Variants in NEK5 observed in about 807,000 individuals in gnomAD.
NEK5 encodes the protein NIMA related kinase 5.
NEK5 carries 88 observed loss-of-function variants against 109.2 expected under a neutral mutation model. That is an observed-to-expected ratio of 0.81 (90% CI 0.68 to 0.96). The LOEUF is 0.96. NEK5 is among the 40% of genes least tolerant of loss of function. The pLI, the probability that NEK5 is intolerant of heterozygous loss-of-function variation, is 0.00. For synonymous variants in NEK5, 283 were observed against 299.9 expected (o/e 0.94, Z 0.58); for missense variants, 834 against 920.7 (o/e 0.91, Z 1.22).
At chr13:52,081,932 C>G (rs1276512274) in intron 17 of NEK5, among the ~76,000 whole-genome samples, 1 of 152,104 alleles carries the variant, frequency 6.6e-6, no homozygotes, top group Non-Finnish European at 1.5e-5. Flanking sequence ...TTTATAATAC[C>G]TTGAGGATTT....
At chr13:52,091,025 C>CAA (rs879501839) in intron 13 of NEK5, among the ~76,000 whole-genome samples, 1 of 133,252 alleles carries the variant, frequency 7.5e-6, no homozygotes. Flanking sequence ...GACTCTGTCT[C>CAA]AAAAAAAAAA....
Position 52,095,997 on chromosome 13 carries a change from A to C in NEK5, c.1027-2762T>G, listed in dbSNP as rs531127409. On this transcript the variant is annotated intron_variant, in intron 12 of 23. Transcript: ENST00000684899. ...TTCTTGTGATAGTGAGTGAGTTTTC[A>C]TGAGATCTGGTTGTTCAAAAGTTTG... is the stretch of plus-strand genomic sequence containing the variant. Among the ~76,000 whole-genome samples the C allele has an allele frequency of 3.9e-5, 6 of 152,170 alleles. No individual in the cohort carries two copies. The South Asian group carries it at 1.2e-3, about 32-fold the overall frequency.
intron 1 of NEK5, among the ~76,000 whole-genome samples, chr13:52,128,275 C>T (rs764037190): frequency 4.0e-5 from 6 of 151,894 alleles, no homozygotes; most frequent in Non-Finnish European, 8.8e-5. Flanking sequence ...AAGAATTGTT[C>T]ACCATTTGGG....
chr13:52,076,642 T>C (rs1211039099), intron 17 of NEK5, among the ~76,000 whole-genome samples: 1 of 152,216 alleles, frequency 6.6e-6, no homozygotes, highest in Non-Finnish European at 1.5e-5. Context: ...GGCCATCTGC[T>C]CTTCTATTCC....
chr13:52,068,494 C>T (rs112193998), intron 20 of NEK5, among the ~76,000 whole-genome samples: 3 of 151,838 alleles, frequency 2.0e-5, no homozygotes, highest in African/African-American at 7.3e-5. Context: ...CACACACACA[C>T]ACTCATATAT....
intron 23 of NEK5, among the ~76,000 whole-genome samples, chr13:52,038,811 C>G (rs1954389305): frequency 1.9e-5 from 2 of 107,926 alleles, no homozygotes; most frequent in African/African-American, 3.6e-5. Context: ...GGCATCAGAG[C>G]AAGACACTCA....
chr13:52,111,679 C>T (rs886823514), intron 5 of NEK5, among the ~76,000 whole-genome samples: 3 of 152,200 alleles, frequency 2.0e-5, no homozygotes, highest in Non-Finnish European at 4.4e-5. Context: ...CCTCTCCACA[C>T]ATACAAACCT....
intron 21 of NEK5, chr13:52,065,229 C>T (rs1455103078): frequency 7.4e-6 from 4 of 541,386 alleles, no homozygotes; most frequent in Non-Finnish European, 1.3e-5. Flanking sequence ...CGCATTTTCC[C>T]TCACTCTGAG....
chr13:52,110,582 A>G lies in NEK5; in HGVS notation c.313-5T>C. On this transcript the variant is annotated splice_polypyrimidine_tract_variant and splice_region_variant and intron_variant, in intron 5 of 23. Coordinates refer to ENST00000684899, the MANE Select transcript of NEK5 (RefSeq NM_001365552.1). ...CTGTACAAACCAACCGAGGATCTATAGAGAGAACACAAAACAAAGCCACTG... is the reference window on the plus strand; with the variant it reads ...CTGTACAAACCAACCGAGGATCTATGGAGAGAACACAAAACAAAGCCACTG... 1 of 1,597,288 alleles carries G rather than the reference A, an allele frequency of 6.3e-7. No individual in the cohort carries two copies. The highest frequency in any genetic ancestry group is 1.3e-5 in the African/African-American group (1 of 74,626).
At chr13:52,089,428 T>C (rs1955229292) in intron 13 of NEK5, 115 bp from the exon 14 acceptor site, 1 of 642,096 alleles carries the variant, frequency 1.6e-6, no homozygotes. Context: ...TGGCTTGAAG[T>C]TCCAAGTTCA....
At position 52,093,081 on chromosome 13, in the gene NEK5, G is replaced by A. The variant is rs145214408; in HGVS notation, c.1181C>T (p.Thr394Met). 5.0e-6 allele frequency: 8 copies of A among 1,613,278 alleles called. No homozygotes were observed. Among genetic ancestry groups the A allele is most frequent in the East Asian group, 4.5e-5 (2 of 44,874 alleles). ...NTGVEDYGQE[T>M]RHGPSPSQWP... Reference sequence around the variant, plus strand: ...TTGACTTGGGGATGGACCATGCCTCGTTTCCTGACCGTAATCCTCAACTCC... The same window carrying A: ...TTGACTTGGGGATGGACCATGCCTCATTTCCTGACCGTAATCCTCAACTCC... Residue 394 changes from threonine (T) to methionine (M), a missense_variant, in exon 13 of 24, where the codon ACG (threonine) becomes ATG (methionine). By Grantham distance (81) the Thr-to-Met change is moderately conservative. Around this residue, in one of 2 missense-constraint regions of NEK5, gnomAD observed 777 missense variants for 824.7 expected, o/e 0.94. Transcript: ENST00000684899.
intron 23 of NEK5, among the ~76,000 whole-genome samples, chr13:52,041,074 G>T (rs1437017266): frequency 6.6e-6 from 1 of 152,064 alleles, no homozygotes; most frequent in Non-Finnish European, 1.5e-5. Context: ...TACAGGAAGA[G>T]GCAGGAAAGG....
intron 20 of NEK5, among the ~76,000 whole-genome samples, chr13:52,068,423 A>G (rs1954725403): frequency 6.6e-6 from 1 of 151,900 alleles, no homozygotes. Context: ...TATATGCCGC[A>G]CAATTCTCAT....
At chr13:52,086,597 T>G (rs779170203) in intron 15 of NEK5, among the ~76,000 whole-genome samples, 9 of 152,250 alleles carry the variant, frequency 5.9e-5, no homozygotes, top group Admixed American at 6.5e-5. Context: ...GTGTTCATGA[T>G]GTACACTTAC....
At chr13:52,048,477 G>A (rs1160289311) in intron 23 of NEK5, among the ~76,000 whole-genome samples, 1 of 151,672 alleles carries the variant, frequency 6.6e-6, no homozygotes, top group Non-Finnish European at 1.5e-5. Context: ...AAATTAAGTG[G>A]TACCTATGCC....
chr13:52,043,844 T>C (rs551766542), intron 23 of NEK5, among the ~76,000 whole-genome samples: 12 of 152,324 alleles, frequency 7.9e-5, no homozygotes, highest in Non-Finnish European at 1.6e-4. Flanking sequence ...TTCACAGGAA[T>C]GTGAAATAGA....
rs56207200 is a variant in NEK5, at chr13:52,059,883, A to T, written c.2110+1936T>A. Among the ~76,000 whole-genome samples, 773 of 152,272 alleles carry T rather than the reference A, an allele frequency of 5.1e-3. 11 individuals are homozygous for T. Among genetic ancestry groups the T allele is most frequent in the African/African-American group, 0.018 (735 of 41,554 alleles). On this transcript the variant is annotated intron_variant, in intron 22 of 23. Coordinates refer to ENST00000684899, the MANE Select transcript of NEK5 (RefSeq NM_001365552.1). ...GACGAGTTAGTGGGTGCAGCACACC[A>T]GCATGGCACATGTATACATATGTAA...
intron 3 of NEK5, among the ~76,000 whole-genome samples, chr13:52,126,765 C>T (rs1239319945): frequency 1.3e-5 from 2 of 152,008 alleles, no homozygotes; most frequent in East Asian, 1.9e-4. Flanking sequence ...GGTGACAGAG[C>T]GAGACTCCGT....
rs139353077 is a variant in NEK5 at position 52,073,487 on chromosome 13, T to G, written c.1723-1417A>C. ...GGTGACACCACACCCAGCTAATTTT[T>G]TGTATTTTTAGTAGAGATGGGGTTT... is the stretch of plus-strand genomic sequence containing the variant. On this transcript the variant is annotated intron_variant, in intron 19 of 23. Transcript: ENST00000684899. Among the ~76,000 whole-genome samples the G allele has an allele frequency of 9.4e-3, 1,430 of 152,124 alleles. 15 individuals are homozygous for G. Among genetic ancestry groups the G allele is most frequent in the Non-Finnish European group, 0.015 (1,024 of 68,006 alleles).
Sources: allele counts gnomAD v4.1 joint callset (sites outside exome capture counted in the v4.1 genomes callset), GRCh38; gene constraint gnomAD v4.1.1; regional missense constraint gnomAD v4.1.1; transcripts MANE v1.5; gene names NCBI Gene and HGNC (gene_info 2026-07-23, HGNC 2026-07-21).